Variants in ORMDL2 observed in about 807,000 individuals in gnomAD.
ORMDL2 encodes ORMDL sphingolipid biosynthesis regulator 2.
ORMDL2 carries 11 observed loss-of-function variants against 13.5 expected under a neutral mutation model. The observed-to-expected ratio is 0.82, with a 90% confidence interval of 0.51 to 1.35. The LOEUF (loss-of-function observed/expected upper bound fraction) is 1.35. Among genes scored for constraint, ORMDL2 ranks in the 40% most tolerant of loss-of-function variants. The probability of loss-of-function intolerance (pLI) is 0.00; values close to 1 mark genes in which losing one functional copy is unlikely to be tolerated. For missense variants in ORMDL2, 160 were observed against 191.1 expected, an observed-to-expected ratio of 0.84 and a Z score of 0.96; for synonymous variants, 73 against 76.5, an observed-to-expected ratio of 0.95 and a Z score of 0.24.
At chr12:55,818,906 A>G (rs1880585048) in intron 1 of ORMDL2, 93 bp from the exon 2 acceptor site, 2 of 1,066,000 alleles carry the variant, frequency 1.9e-6, no homozygotes, top group Non-Finnish European at 1.4e-6. Flanking sequence ...AGTTCAGGGG[A>G]TTGGGGCTAT....
In ORMDL2 at chr12:55,821,848, T is replaced by TC. The variant is rs1880674128; in HGVS notation, c.*1455dup. ...CTCCAGCTGGGCAACAGAGCAAGAC[T>TC]CCATCTCAAAAAATAAAAAGAAAAA... On this transcript the variant is annotated 3_prime_UTR_variant, in exon 4 of 4. Coordinates refer to ENST00000243045, the MANE Select transcript of ORMDL2 (RefSeq NM_014182.5). 1 of 1,062,768 alleles carries TC rather than the reference T, an allele frequency of 9.4e-7. No homozygotes were observed. The highest frequency in any genetic ancestry group is 1.8e-5 in the South Asian group (1 of 54,910). 65.8% of individuals were successfully genotyped at this position (1,062,768 alleles called of 1,614,324 possible).
rs527550196 is a variant in ORMDL2 at position 55,819,547 on chromosome 12, A to G, written c.326+54A>G. 192 of 1,535,844 alleles carry G rather than the reference A, an allele frequency of 1.3e-4. No homozygotes were observed. The African/African-American group carries it at 2.4e-3, about 19-fold the overall frequency. ...TGGGTTAGAAAGAGCTCCAAGAGCC[A>G]GGTAGAAAGGCCCATAGGGAAGCTG... On this transcript the variant is annotated intron_variant, in intron 3 of 3. Transcript: ENST00000243045.
At chr12:55,820,017 C>T (rs920638063) in intron 3 of ORMDL2, among the ~76,000 whole-genome samples, 12 of 152,126 alleles carry the variant, frequency 7.9e-5, no homozygotes, top group African/African-American at 2.7e-4. Flanking sequence ...TAAAACTGGT[C>T]ATTTAAAATA....
At chr12:55,819,308 C>G (rs1880598709) in intron 2 of ORMDL2, 34 bp from the exon 3 acceptor site, 1 of 1,600,836 alleles carries the variant, frequency 6.2e-7, no homozygotes, top group Non-Finnish European at 8.5e-7. Flanking sequence ...AAACTACTTT[C>G]TGCCCCTCAC....
In ORMDL2 at chr12:55,821,705, A is replaced by G; in HGVS notation, c.*1310A>G. ...TCTACTAAAAATACAAAAAAGAATT[A>G]GCTGGGCCAGGTGTGGTGGTGTGTG... On this transcript the variant is annotated 3_prime_UTR_variant, in exon 4 of 4. Transcript: ENST00000243045. The G allele has an allele frequency of 4.2e-6, 1 of 236,550 alleles. No homozygotes were observed. Among genetic ancestry groups the G allele is most frequent in the Non-Finnish European group, 8.1e-6 (1 of 123,378 alleles). 14.7% of individuals were successfully genotyped at this position (236,550 alleles called of 1,614,324 possible).
chr12:55,818,790 A>C, intron 1 of ORMDL2: 1 of 565,474 alleles, frequency 1.8e-6, no homozygotes, highest in Non-Finnish European at 3.2e-6. Context: ...AGCAATAATG[A>C]CTATGTCTCT....
At chr12:55,818,941 C>A in intron 1 of ORMDL2, 58 bp from the exon 2 acceptor site, 1 of 1,488,178 alleles carries the variant, frequency 6.7e-7, no homozygotes, top group Non-Finnish European at 9.3e-7. Flanking sequence ...GGAGATAGCT[C>A]AAGAGGGGTT....
At chr12:55,819,315 T>G (rs1880599150) in intron 2 of ORMDL2, 27 bp from the exon 3 acceptor site, 1 of 1,604,664 alleles carries the variant, frequency 6.2e-7, no homozygotes, top group Non-Finnish European at 8.5e-7. Flanking sequence ...TTTCTGCCCC[T>G]CACACTGCCA....
Position 55,820,620 on chromosome 12 carries a change from G to T in ORMDL2, c.*225G>T, listed in dbSNP as rs1880640665. 1.8e-6 allele frequency: 1 copy of T among 550,822 alleles called. No homozygotes were observed. The highest frequency in any genetic ancestry group is 1.9e-5 in the African/African-American group (1 of 53,298). 34.1% of individuals were successfully genotyped at this position (550,822 alleles called of 1,614,324 possible). ...TGAATCAGGAAGGCAGGTGAGGTAA[G>T]GGCCAAATCACTCTCCTCCATAGCA... On this transcript the variant is annotated 3_prime_UTR_variant, in exon 4 of 4. Transcript: ENST00000243045.
intron 1 of ORMDL2, 131 bp downstream of exon 1, chr12:55,818,243 A>G: frequency 1.2e-5 from 3 of 242,202 alleles, no homozygotes; most frequent in Middle Eastern, 1.1e-3. Flanking sequence ...GATGAACATG[A>G]GGAGGAAGCT....
chr12:55,819,445 T>C lies in ORMDL2; in HGVS notation c.278T>C (p.Leu93Pro). The change falls in exon 3 of 4, where the codon CTC (leucine) becomes CCC (proline). Residue 93 changes from leucine to proline, a missense_variant. Coordinates refer to ENST00000243045, the MANE Select transcript of ORMDL2 (RefSeq NM_014182.5). ...LTHWEQMDYG[L>P]QFTSSRKFLS... ...CACTGGGAGCAAATGGACTATGGGCTCCAGTTTACCTCTTCCCGCAAGTTC... is the reference window on the plus strand; with the variant it reads ...CACTGGGAGCAAATGGACTATGGGCCCCAGTTTACCTCTTCCCGCAAGTTC... 1 of 1,614,132 alleles carries C rather than the reference T, an allele frequency of 6.2e-7. No individual in the cohort carries two copies. The highest frequency in any genetic ancestry group is 1.3e-5 in the African/African-American group (1 of 75,032).
At chr12:55,818,137 G>T (rs1257178089) in intron 1 of ORMDL2, 25 bp downstream of exon 1, 11 of 467,120 alleles carry the variant, frequency 2.4e-5, no homozygotes, top group Middle Eastern at 3.2e-4. Context: ...GACTGTAAGG[G>T]TTGCTGAGGA....
At position 55,820,742 on chromosome 12, in the gene ORMDL2, A is replaced by G. The variant is rs1023012375; in HGVS notation, c.*347A>G. The G allele has an allele frequency of 4.0e-6, 1 of 249,294 alleles. No homozygotes were observed. Among genetic ancestry groups the G allele is most frequent in the Admixed American group, 4.8e-5 (1 of 20,704 alleles). The allele number at this position is 249,294 out of a possible 1,614,324, so 15.4% of individuals were successfully genotyped here. On this transcript the variant is annotated 3_prime_UTR_variant, in exon 4 of 4. Coordinates refer to ENST00000243045, the MANE Select transcript of ORMDL2 (RefSeq NM_014182.5). ...TGTTTTGCTGTGTATTTTTCTTACA[A>G]TAATTTTTTTCAGCTATAGCTGCAG...
At chr12:55,818,752 C>T in intron 1 of ORMDL2, 2 of 492,820 alleles carry the variant, frequency 4.1e-6, no homozygotes, top group East Asian at 3.1e-5. Flanking sequence ...CATACACCTT[C>T]ATGTTACAGT....
Position 55,820,662 on chromosome 12 carries a change from G to T in ORMDL2, c.*267G>T. The T allele has an allele frequency of 2.2e-6, 1 of 460,780 alleles. No homozygotes were observed. The highest frequency in any genetic ancestry group is 4.0e-6 in the Non-Finnish European group (1 of 251,066). The allele number at this position is 460,780 out of a possible 1,614,324, so 28.5% of individuals were successfully genotyped here. A position where few individuals can be genotyped will look rare whatever the true frequency, so the allele number is the denominator to read the frequency against. ...TCCATAGCAGGAAGCCATTTGGGCAGCTTCTTTGGTGATTACATCTTTCCA... is the reference window on the plus strand; with the variant it reads ...TCCATAGCAGGAAGCCATTTGGGCATCTTCTTTGGTGATTACATCTTTCCA... On this transcript the variant is annotated 3_prime_UTR_variant, in exon 4 of 4. Transcript: ENST00000243045.
intron 3 of ORMDL2, among the ~76,000 whole-genome samples, chr12:55,820,004 C>T (rs1433465896): frequency 6.6e-6 from 1 of 152,148 alleles, no homozygotes; most frequent in Non-Finnish European, 1.5e-5. Context: ...GAACTATATA[C>T]AGTAAAACTG....
At position 55,819,371 on chromosome 12, in the gene ORMDL2, A is replaced by AG. The variant is rs1448944369; in HGVS notation, c.207dup (p.Thr70AspfsTer4). On this transcript the variant is annotated frameshift_variant, in exon 3 of 4. Coordinates refer to ENST00000243045, the MANE Select transcript of ORMDL2 (RefSeq NM_014182.5). LOFTEE classifies it high-confidence loss of function. ...CGTATGTCTTCCTTCATACGGTGAA[A>AG]GGGACACCCTTTGAGACTCCTGACC... 14 of 1,614,012 alleles carry AG rather than the reference A, an allele frequency of 8.7e-6. No individual in the cohort carries two copies. Among genetic ancestry groups the AG allele is most frequent in the Non-Finnish European group, 1.1e-5 (13 of 1,180,022 alleles).
chr12:55,818,924 A>G (rs1209717356), intron 1 of ORMDL2, 75 bp from the exon 2 acceptor site: 2 of 1,298,202 alleles, frequency 1.5e-6, no homozygotes, highest in Admixed American at 1.8e-5. Context: ...TATCTGAGAG[A>G]CAACTGGGAG....
At chr12:55,818,435 C>T (rs1880573332) in intron 1 of ORMDL2, 2 of 223,478 alleles carry the variant, frequency 8.9e-6, no homozygotes, top group South Asian at 5.0e-5. Context: ...GAGCTCAGGT[C>T]CCTTCCTAAC....
Sources: gnomAD v4.1 joint callset for allele counts (sites outside exome capture counted in the v4.1 genomes callset) on GRCh38, gnomAD v4.1.1 for gene constraint, MANE v1.5 for transcripts, NCBI Gene and HGNC (gene_info 2026-07-23, HGNC 2026-07-21) for gene names.